GPHN: variants seen among roughly 807,000 people sequenced by gnomAD.
GPHN encodes gephyrin.
Under a neutral mutation model 95.5 loss-of-function variants are expected in GPHN, and 17 were observed. The ratio of observed to expected loss-of-function variants is 0.18; its 90% CI spans 0.12 to 0.27. GPHN has a LOEUF of 0.27. Ranked by LOEUF, GPHN falls within the 10% of genes least tolerant of loss-of-function variation. The probability of loss-of-function intolerance (pLI) is 1.00; values close to 1 mark genes in which losing one functional copy is unlikely to be tolerated. For missense variants in GPHN, 660 were observed against 978.1 expected, an observed-to-expected ratio of 0.67 and a Z score of 4.34; for synonymous variants, 320 against 322.5, an observed-to-expected ratio of 0.99 and a Z score of 0.08.
intron 1 of GPHN, among the ~76,000 whole-genome samples, chr14:66,659,909 ATAAT>A (rs2065538486): frequency 1.3e-5 from 2 of 152,084 alleles, no homozygotes; most frequent in South Asian, 4.1e-4. Flanking sequence ...TTACATTTAT[ATAAT>A]TAATTATCTG....
chr14:66,755,578 C>T (rs1383571776), intron 2 of GPHN, among the ~76,000 whole-genome samples: 1 of 151,842 alleles, frequency 6.6e-6, no homozygotes, highest in East Asian at 1.9e-4. Context: ...TTTCAGGTAC[C>T]TTTCTTTATG....
the GPHN span, chr14:67,303,702 A>AG: frequency 6.5e-6 from 5 of 774,864 alleles, no homozygotes; most frequent in Admixed American, 4.6e-5. Flanking sequence ...GTACTCAAAT[A>AG]AATTCAATCA....
intron 16 of GPHN, among the ~76,000 whole-genome samples, chr14:67,118,446 C>T: frequency 6.6e-6 from 1 of 152,192 alleles, no homozygotes; most frequent in East Asian, 1.9e-4. Context: ...ATCCCTCGGG[C>T]CAGGCGCGGT....
chr14:67,355,796 C>G, the GPHN span, among the ~76,000 whole-genome samples: 1 of 151,044 alleles, frequency 6.6e-6, no homozygotes. Context: ...AGTTCAAGAC[C>G]AGCCTGGGAA....
intron 1 of GPHN, among the ~76,000 whole-genome samples, chr14:66,594,774 T>C (rs1256976175): frequency 6.6e-6 from 1 of 152,136 alleles, no homozygotes; most frequent in Non-Finnish European, 1.5e-5. Flanking sequence ...GTACTTTGGA[T>C]ATAACCCCCA....
chr14:66,708,097 T>C (rs780921256), intron 2 of GPHN, among the ~76,000 whole-genome samples: 1 of 152,132 alleles, frequency 6.6e-6, no homozygotes, highest in Non-Finnish European at 1.5e-5. Context: ...CAAGTTTAGA[T>C]GATTTATTCA....
chr14:67,203,198 A>G, the GPHN span: 5 of 1,613,964 alleles, frequency 3.1e-6, no homozygotes, highest in Non-Finnish European at 3.4e-6. Context: ...ATGTGATGCT[A>G]CTGGCCCATC....
intron 8 of GPHN, among the ~76,000 whole-genome samples, chr14:66,949,603 G>T (rs867987074): frequency 6.6e-6 from 1 of 152,170 alleles, no homozygotes; most frequent in African/African-American, 2.4e-5. Flanking sequence ...TATTGAAGCT[G>T]TACTTCTTTG....
intron 9 of GPHN, among the ~76,000 whole-genome samples, chr14:66,995,156 G>A (rs946084267): frequency 2.0e-5 from 3 of 152,106 alleles, no homozygotes; most frequent in African/African-American, 7.2e-5. Context: ...ATCTTACATG[G>A]CATTGTGAGA....
chr14:67,555,682 C>T, the GPHN span: 1 of 1,208,626 alleles, frequency 8.3e-7, no homozygotes, highest in Non-Finnish European at 1.2e-6. Flanking sequence ...AAATCCTTAC[C>T]CTGACACTCT....
chr14:67,389,775 CTTTT>C, the GPHN span, among the ~76,000 whole-genome samples: 4 of 137,354 alleles, frequency 2.9e-5, no homozygotes, highest in Non-Finnish European at 4.8e-5. Context: ...TGTTTTTTTT[CTTTT>C]TTTTTTTTTT....
chr14:66,634,305 GAATGTTTTC>G (rs985769765), intron 1 of GPHN, among the ~76,000 whole-genome samples: 28 of 151,962 alleles, frequency 1.8e-4, no homozygotes, highest in Admixed American at 1.7e-3. Flanking sequence ...TTGTTGGGTA[GAATGTTTTC>G]GCATTGGTTC....
the GPHN span, chr14:67,585,002 T>G: frequency 1.3e-5 from 2 of 152,354 alleles, no homozygotes; most frequent in East Asian, 3.8e-4. Flanking sequence ...ATTTTCTGGA[T>G]TACCATACTG....
At position 66,513,079 on chromosome 14, in the gene GPHN, A is replaced by C. The variant is rs553695435; in HGVS notation, c.64+4488A>C. On this transcript the variant is annotated intron_variant, in intron 1 of 22. Transcript: ENST00000478722. ...TGTTATTTTGTGAATTTTTTGTTGA[A>C]AGCAATGTATTAGAGAATTAAATGT... 2.0e-5 allele frequency among the ~76,000 whole-genome samples: 3 copies of C among 151,858 alleles called. No homozygotes were observed. In the South Asian group the frequency reaches 6.2e-4, roughly 31 times the overall value.
chr14:66,789,427 A>G (rs554999209), intron 3 of GPHN, among the ~76,000 whole-genome samples: 1 of 152,368 alleles, frequency 6.6e-6, no homozygotes, highest in East Asian at 1.9e-4. Context: ...AACATCATAC[A>G]CACAACACAT....
intron 3 of GPHN, among the ~76,000 whole-genome samples, chr14:66,776,935 G>A (rs61989619): frequency 0.16 from 24,753 of 151,922 alleles, 2,336 homozygotes; most frequent in Non-Finnish European, 0.22. Context: ...TGTGCACAAT[G>A]TGCAGGTTAG....
intron 12 of GPHN, among the ~76,000 whole-genome samples, chr14:67,091,953 G>C (rs17103924): frequency 0.067 from 10,125 of 151,914 alleles, 361 homozygotes; most frequent in Middle Eastern, 0.085. Context: ...CAAAGGGTTG[G>C]TACTTCTCCA....
intron 1 of GPHN, among the ~76,000 whole-genome samples, chr14:66,628,638 T>TAA (rs1412105968): frequency 6.6e-6 from 1 of 152,144 alleles, no homozygotes; most frequent in Non-Finnish European, 1.5e-5. Flanking sequence ...CTACACTAAT[T>TAA]ATATTAAAAG....
At chr14:67,232,975 A>G in the GPHN span, among the ~76,000 whole-genome samples, 1 of 152,168 alleles carries the variant, frequency 6.6e-6, no homozygotes, top group Non-Finnish European at 1.5e-5. Context: ...AACCATTTAT[A>G]TTTCCAAATA....
Sources: gnomAD v4.1 joint callset for allele counts (sites outside exome capture counted in the v4.1 genomes callset) on GRCh38, gnomAD v4.1.1 for gene constraint, MANE v1.5 for transcripts, NCBI Gene and HGNC (gene_info 2026-07-23, HGNC 2026-07-21) for gene names.